Variants in ZNF10 observed in about 807,000 individuals in gnomAD.
The protein encoded by ZNF10 is zinc finger protein 10 (KOX 1).
ZNF10 carries 8 observed loss-of-function variants against 12.2 expected under a neutral mutation model. The ratio of observed to expected loss-of-function variants is 0.66; its 90% CI spans 0.39 to 1.18. ZNF10 has a LOEUF of 1.18. Ranked by LOEUF, ZNF10 falls within the 50% of genes most tolerant of loss-of-function variation. The pLI is 0.01. For synonymous variants in ZNF10, 229 were observed against 228.2 expected, an observed-to-expected ratio of 1.00 and a Z score of -0.03; for missense variants, 603 against 678.9, an observed-to-expected ratio of 0.89 and a Z score of 1.24.
At chr12:133,133,035 T>C (rs1368258169) in intron 1 of ZNF10, among the ~76,000 whole-genome samples, 2 of 152,218 alleles carry the variant, frequency 1.3e-5, no homozygotes, top group African/African-American at 4.8e-5. Flanking sequence ...ACGTATGTAT[T>C]ATTAATTAGA....
chr12:133,132,426 T>C (rs952697073), intron 1 of ZNF10, among the ~76,000 whole-genome samples: 27 of 152,058 alleles, frequency 1.8e-4, no homozygotes, highest in African/African-American at 6.0e-4. Context: ...CCAGCCACCA[T>C]GCCCAGCTAA....
At chr12:133,153,089 T>C (rs1254710653) in intron 4 of ZNF10, among the ~76,000 whole-genome samples, 4 of 152,004 alleles carry the variant, frequency 2.6e-5, no homozygotes, top group Non-Finnish European at 5.9e-5. Context: ...TTTGTTCATC[T>C]AGTAAGCTTT....
intron 4 of ZNF10, among the ~76,000 whole-genome samples, chr12:133,152,424 T>C (rs1035178558): frequency 6.6e-6 from 1 of 152,124 alleles, no homozygotes; most frequent in African/African-American, 2.4e-5. Flanking sequence ...TAGATCTTTT[T>C]TTCTTTTCGA....
chr12:133,157,898 T>A lies in ZNF10; in HGVS notation c.*930T>A, dbSNP rs982959820. The A allele has an allele frequency of 1.3e-5, 2 of 152,214 alleles. No homozygotes were observed. The highest frequency in any genetic ancestry group is 2.9e-5 in the Non-Finnish European group (2 of 68,042). 9.4% of individuals were successfully genotyped at this position (152,214 alleles called of 1,614,324 possible). On this transcript the variant is annotated 3_prime_UTR_variant, in exon 5 of 5. Transcript: ENST00000248211. ...GGGGAACATTGGGCATTTGAACATATCAGGGAGGGTCCCCATTTTAGTGGG... is the reference window on the plus strand; with the variant it reads ...GGGGAACATTGGGCATTTGAACATAACAGGGAGGGTCCCCATTTTAGTGGG...
intron 2 of ZNF10, among the ~76,000 whole-genome samples, chr12:133,149,771 A>G (rs1200195242): frequency 6.6e-6 from 1 of 151,536 alleles, no homozygotes; most frequent in African/African-American, 2.4e-5. Flanking sequence ...TTATTTTATT[A>G]TATGTTCTCT....
At chr12:133,140,379 TG>T (rs56823205) in intron 1 of ZNF10, among the ~76,000 whole-genome samples, 88,691 of 147,952 alleles carry the variant, frequency 0.6, 27,604 homozygotes, top group African/African-American at 0.72. Flanking sequence ...GCCTCGACTT[TG>T]GAAAAAAAAG....
In ZNF10 at chr12:133,156,018, G is replaced by A. The variant is rs145543240; in HGVS notation, c.772G>A (p.Gly258Ser). 86 of 1,613,562 alleles carry A rather than the reference G, an allele frequency of 5.3e-5. No homozygotes were observed. The highest frequency in any genetic ancestry group is 6.7e-5 in the Admixed American group (4 of 59,982). The change falls in exon 5 of 5, where the codon GGC becomes AGC. Residue 258 changes from glycine to serine, a missense_variant. Coordinates refer to ENST00000248211, the MANE Select transcript of ZNF10 (RefSeq NM_015394.5). ...THGSSLGISK[G>S]IHREKPYECK... ...TGGTTCATCTCTTGGTATATCAAAG[G>A]GCATACATAGAGAGAAACCCTATGA... is the stretch of plus-strand genomic sequence containing the variant.
At position 133,156,660 on chromosome 12, in the gene ZNF10, C is replaced by G; in HGVS notation, c.1414C>G (p.Gln472Glu). 1 of 1,614,088 alleles carries G rather than the reference C, an allele frequency of 6.2e-7. No individual in the cohort carries two copies. Among genetic ancestry groups the G allele is most frequent in the Non-Finnish European group, 8.5e-7 (1 of 1,180,016 alleles). ...ECHDCGKSFS[Q>E]SSALIVHQRI... ...TCATGATTGTGGAAAATCTTTCAGCCAGAGTTCTGCCCTTATTGTGCATCA... is the reference window on the plus strand; with the variant it reads ...TCATGATTGTGGAAAATCTTTCAGCGAGAGTTCTGCCCTTATTGTGCATCA... Residue 472 changes from glutamine (Q) to glutamate (E), a missense_variant, in exon 5 of 5, where the codon CAG (glutamine) becomes GAG (glutamate). Physicochemically the swap from Gln to Glu is conservative, Grantham distance 29. Transcript: ENST00000248211.
intron 1 of ZNF10, among the ~76,000 whole-genome samples, chr12:133,142,950 TTCA>T (rs1955954919): frequency 6.6e-6 from 1 of 152,192 alleles, no homozygotes; most frequent in Non-Finnish European, 1.5e-5. Flanking sequence ...AATGCAAGTG[TTCA>T]TCAACAGATG....
In ZNF10 at chr12:133,157,371, A is replaced by G. The variant is rs1289242177; in HGVS notation, c.*403A>G. On this transcript the variant is annotated 3_prime_UTR_variant, in exon 5 of 5. Coordinates refer to ENST00000248211, the MANE Select transcript of ZNF10 (RefSeq NM_015394.5). Reference sequence around the variant, plus strand: ...TTAATGCAACAAAAGATGGAAAATAATATTTCAGTCAATATGTCATTGTTT... The same window carrying G: ...TTAATGCAACAAAAGATGGAAAATAGTATTTCAGTCAATATGTCATTGTTT... The G allele has an allele frequency of 1.3e-5, 2 of 156,362 alleles. No homozygotes were observed. The highest frequency in any genetic ancestry group is 4.8e-5 in the African/African-American group (2 of 41,630). The allele number at this position is 156,362 out of a possible 1,614,324, so 9.7% of individuals were successfully genotyped here. A position where few individuals can be genotyped will look rare whatever the true frequency, so the allele number is the denominator to read the frequency against.
intron 2 of ZNF10, among the ~76,000 whole-genome samples, chr12:133,145,818 C>G (rs1234600374): frequency 7.1e-6 from 1 of 140,202 alleles, no homozygotes; most frequent in Non-Finnish European, 1.6e-5. Context: ...CCCCCACCCC[C>G]ACAAAAAGAA....
chr12:133,156,214 G>T lies in ZNF10; in HGVS notation c.968G>T (p.Cys323Phe). Residue 323 changes from cysteine to phenylalanine, a missense_variant, in exon 5 of 5, where the codon TGT becomes TTT. Physicochemically the swap from Cys to Phe is radical, Grantham distance 205 (BLOSUM62 -2). Coordinates refer to ENST00000248211, the MANE Select transcript of ZNF10 (RefSeq NM_015394.5). Reference protein sequence around the residue: ...KTHTGEEPYECKECGKSFSWF... With the variant: ...KTHTGEEPYEFKECGKSFSWF... ...CATACTGGTGAGGAACCCTATGAAT[G>T]TAAAGAATGTGGAAAATCCTTCAGC... 1 of 1,614,074 alleles carries T rather than the reference G, an allele frequency of 6.2e-7. No individual in the cohort carries two copies. The highest frequency in any genetic ancestry group is 8.5e-7 in the Non-Finnish European group (1 of 1,180,018).
At position 133,158,500 on chromosome 12, in the gene ZNF10, G is replaced by C. The variant is rs1385841379; in HGVS notation, c.*1532G>C. The stretch of plus-strand genomic sequence containing the variant: ...TGTTGTATACACATTTATTCTGTTT[G>C]TACAAAGGTTTTCCATTCTATGGAG... On this transcript the variant is annotated 3_prime_UTR_variant, in exon 5 of 5. Transcript: ENST00000248211. The C allele has an allele frequency of 6.6e-6, 1 of 152,178 alleles. No homozygotes were observed. Among genetic ancestry groups the C allele is most frequent in the Non-Finnish European group, 1.5e-5 (1 of 68,038 alleles). The allele number at this position is 152,178 out of a possible 1,614,324, so 9.4% of individuals were successfully genotyped here. A position where few individuals can be genotyped will look rare whatever the true frequency, so the allele number is the denominator to read the frequency against.
chr12:133,133,659 A>G (rs372427354), intron 1 of ZNF10, among the ~76,000 whole-genome samples: 8 of 152,198 alleles, frequency 5.3e-5, no homozygotes, highest in African/African-American at 1.9e-4. Flanking sequence ...CTTAGAGAAT[A>G]TGGGGCAAGT....
chr12:133,157,050 C>T lies in ZNF10; in HGVS notation c.*82C>T. The T allele has an allele frequency of 8.0e-7, 1 of 1,250,972 alleles. No individual in the cohort carries two copies. Among genetic ancestry groups the T allele is most frequent in the Non-Finnish European group, 1.0e-6 (1 of 962,178 alleles). 77.5% of individuals were successfully genotyped at this position (1,250,972 alleles called of 1,614,324 possible). ...TGGAGATAAGCTGTACAAATTGAAT[C>T]TATGTGGAAATGCTTTCAGTCTTGT... On this transcript the variant is annotated 3_prime_UTR_variant, in exon 5 of 5. Coordinates refer to ENST00000248211, the MANE Select transcript of ZNF10 (RefSeq NM_015394.5).
At chr12:133,136,982 T>C (rs952234062) in intron 1 of ZNF10, among the ~76,000 whole-genome samples, 5 of 152,182 alleles carry the variant, frequency 3.3e-5, no homozygotes, top group African/African-American at 1.2e-4. Flanking sequence ...GCCTACTCAC[T>C]ATGTTCAAAA....
At chr12:133,138,868 G>T (rs994154693) in intron 1 of ZNF10, among the ~76,000 whole-genome samples, 6 of 152,060 alleles carry the variant, frequency 3.9e-5, no homozygotes, top group African/African-American at 1.4e-4. Context: ...GAACCGTCTG[G>T]GTTCGTACAC....
intron 1 of ZNF10, among the ~76,000 whole-genome samples, chr12:133,136,277 A>G (rs138022628): frequency 5.6e-4 from 85 of 151,766 alleles, no homozygotes; most frequent in African/African-American, 1.9e-3. Context: ...CACCTCTTCT[A>G]CCTGCCCTTT....
At chr12:133,150,567 T>G (rs1039439983) in intron 2 of ZNF10, among the ~76,000 whole-genome samples, 35 of 150,956 alleles carry the variant, frequency 2.3e-4, no homozygotes, top group African/African-American at 8.6e-4. Flanking sequence ...CCAACTCTTC[T>G]GTTTTTTTTT....
Sources: gnomAD v4.1 joint callset for allele counts (sites outside exome capture counted in the v4.1 genomes callset) on GRCh38, gnomAD v4.1.1 for gene constraint, MANE v1.5 for transcripts, NCBI Gene and HGNC (gene_info 2026-07-23, HGNC 2026-07-21) for gene names.